CUX1: variants seen among roughly 807,000 people sequenced by gnomAD.
CUX1 encodes the protein cut like homeobox 1, also known as protein CASP.
Under a neutral mutation model 158.8 loss-of-function variants are expected in CUX1, and 31 were observed. That is an observed-to-expected ratio of 0.20 (90% CI 0.15 to 0.26). The LOEUF (loss-of-function observed/expected upper bound fraction) is 0.26. Among genes scored for constraint, CUX1 ranks in the 10% least tolerant of loss-of-function variants. CUX1 has a pLI of 1.00. For synonymous variants in CUX1, 879 were observed against 862.1 expected, an observed-to-expected ratio of 1.02 and a Z score of -0.34; for missense variants, 1,589 against 2,014.6, an observed-to-expected ratio of 0.79 and a Z score of 4.04.
In CUX1 at chr7:102,063,405, T is replaced by TTTTTTTC. The variant is rs1563194074; in HGVS notation, c.190-6933_190-6932insTTTTTCT. 1.4e-5 allele frequency among the ~76,000 whole-genome samples: 2 copies of TTTTTTTC among 145,438 alleles called. 1 individual carries two copies. Among genetic ancestry groups the TTTTTTTC allele is most frequent in the African/African-American group, 5.3e-5 (2 of 38,010 alleles). ...TTTCTTTTTTTTTTTTTTTTTTTTT[T>TTTTTTTC]TGAGACGGAGTCTCACTCTGTCGCC... On this transcript the variant is annotated intron_variant, in intron 3 of 23. Transcript: ENST00000292535.
In CUX1 at chr7:102,253,562, C is replaced by T. The variant is rs1801751681; in HGVS notation, c.*4520C>T. On this transcript the variant is annotated 3_prime_UTR_variant, in exon 24 of 24. Coordinates refer to ENST00000292535, the MANE Select transcript of CUX1 (RefSeq NM_181552.4). The stretch of plus-strand genomic sequence containing the variant: ...ACATTCTATGCAATGTTTTTCATTC[C>T]TCTGATTTTAGCAAAGCAAATCTTA... 1 of 985,324 alleles carries T rather than the reference C, an allele frequency of 1.0e-6. No homozygotes were observed. The highest frequency in any genetic ancestry group is 1.2e-6 in the Non-Finnish European group (1 of 829,944). 61.0% of individuals were successfully genotyped at this position (985,324 alleles called of 1,614,324 possible). A position where few individuals can be genotyped will look rare whatever the true frequency, so the allele number is the denominator to read the frequency against.
At position 101,949,612 on chromosome 7, in the gene CUX1, C is replaced by A. The variant is rs185418726; in HGVS notation, c.141+33387C>A. Among the ~76,000 whole-genome samples the A allele has an allele frequency of 1.9e-3, 284 of 150,474 alleles. 1 individual carries two copies. The highest frequency in any genetic ancestry group is 3.4e-3 in the Non-Finnish European group (228 of 67,654). On this transcript the variant is annotated intron_variant, in intron 2 of 23. Coordinates refer to ENST00000292535, the MANE Select transcript of CUX1 (RefSeq NM_181552.4). Reference sequence around the variant, plus strand: ...GTGGCACGATATTGGCTCACTGCAACCTCCACCTCCCGGGTTCAAGTGATT... The same window carrying A: ...GTGGCACGATATTGGCTCACTGCAAACTCCACCTCCCGGGTTCAAGTGATT...
chr7:102,015,600 A>G (rs905427776), intron 2 of CUX1, among the ~76,000 whole-genome samples: 2 of 152,138 alleles, frequency 1.3e-5, no homozygotes, highest in African/African-American at 4.8e-5. Context: ...AACATCTCCC[A>G]TTTCATACTG....
chr7:102,059,312 G>C (rs549103439), intron 3 of CUX1, among the ~76,000 whole-genome samples: 2 of 152,050 alleles, frequency 1.3e-5, no homozygotes, highest in Non-Finnish European at 2.9e-5. Flanking sequence ...GGCTTCTTCG[G>C]GGCCTCTCTA....
chr7:102,134,726 T>C (rs1489464100), intron 8 of CUX1, among the ~76,000 whole-genome samples: 2 of 152,010 alleles, frequency 1.3e-5, no homozygotes, highest in Non-Finnish European at 1.5e-5. Flanking sequence ...GCCTCCTGAG[T>C]AGCTGGGACT....
intron 6 of CUX1, among the ~76,000 whole-genome samples, chr7:102,109,449 G>T (rs1376979702): frequency 6.6e-6 from 1 of 152,140 alleles, no homozygotes; most frequent in Non-Finnish European, 1.5e-5. Flanking sequence ...AGTTTAAATT[G>T]GTGAAAGTTT....
chr7:102,123,263 G>T lies in CUX1; in HGVS notation c.674+7990G>T, dbSNP rs10258038. The stretch of plus-strand genomic sequence containing the variant: ...AAAAAAAAAGAGAGGCACTGTGCAT[G>T]TGGCCATGTATATAAACATGTTTGT... On this transcript the variant is annotated intron_variant, in intron 8 of 23. Coordinates refer to ENST00000292535, the MANE Select transcript of CUX1 (RefSeq NM_181552.4). 6.7e-3 allele frequency among the ~76,000 whole-genome samples: 1,022 copies of T among 151,486 alleles called. 7 individuals are homozygous for T. Among genetic ancestry groups the T allele is most frequent in the African/African-American group, 0.024 (979 of 41,312 alleles).
In CUX1 at chr7:102,253,893, A is replaced by T; in HGVS notation, c.*4851A>T. On this transcript the variant is annotated 3_prime_UTR_variant, in exon 24 of 24. Coordinates refer to ENST00000292535, the MANE Select transcript of CUX1 (RefSeq NM_181552.4). ...GGTGGGGGGCCCTGTCCCTCCCCAG[A>T]TGTCCTCCCTCTTCTTCACACTCCT... 1 of 985,666 alleles carries T rather than the reference A, an allele frequency of 1.0e-6. No homozygotes were observed. The highest frequency in any genetic ancestry group is 1.2e-6 in the Non-Finnish European group (1 of 830,184). 61.1% of individuals were successfully genotyped at this position (985,666 alleles called of 1,614,324 possible). A position where few individuals can be genotyped will look rare whatever the true frequency, so the allele number is the denominator to read the frequency against.
intron 1 of CUX1, among the ~76,000 whole-genome samples, chr7:101,906,734 T>A (rs922064096): frequency 1.3e-5 from 2 of 152,200 alleles, no homozygotes; most frequent in African/African-American, 2.4e-5. Context: ...CCAGCTTTCC[T>A]GCTTTCAACT....
chr7:102,091,838 C>G (rs1320637693), intron 4 of CUX1, among the ~76,000 whole-genome samples: 2 of 152,114 alleles, frequency 1.3e-5, no homozygotes, highest in African/African-American at 2.4e-5. Flanking sequence ...TCACTGCAAC[C>G]TCCACCTCCC....
chr7:101,973,995 C>A (rs1563079056), intron 2 of CUX1, among the ~76,000 whole-genome samples: 2 of 151,638 alleles, frequency 1.3e-5, no homozygotes, highest in Non-Finnish European at 2.9e-5. Flanking sequence ...GTCTGGAACT[C>A]CTGACCTCGT....
intron 2 of CUX1, among the ~76,000 whole-genome samples, chr7:101,973,770 C>CTTTTTTTTTTTTTT (rs546846196): frequency 7.3e-6 from 1 of 137,376 alleles, no homozygotes; most frequent in Non-Finnish European, 1.6e-5. Flanking sequence ...TTTTCTTTTT[C>CTTTTTTTTTTTTTT]TTTTTTTTTT....
intron 8 of CUX1, among the ~76,000 whole-genome samples, chr7:102,146,862 T>A (rs1835076944): frequency 6.6e-6 from 1 of 152,206 alleles, no homozygotes; most frequent in Non-Finnish European, 1.5e-5. Flanking sequence ...CTTCCCAAAG[T>A]GCTTGGGATT....
chr7:102,049,951 G>A (rs1823277269), intron 3 of CUX1, among the ~76,000 whole-genome samples: 1 of 152,162 alleles, frequency 6.6e-6, no homozygotes, highest in Admixed American at 6.6e-5. Context: ...GCAGGCACGA[G>A]GAGGGCTCAG....
intron 1 of CUX1, among the ~76,000 whole-genome samples, chr7:101,908,295 AC>A (rs2131827822): frequency 6.6e-6 from 1 of 152,284 alleles, no homozygotes; most frequent in East Asian, 1.9e-4. Context: ...TCCCGCATGC[AC>A]CACCATGCCT....
rs541428034 is a variant in CUX1, at chr7:101,821,446, C to A, written c.30+3777C>A. On this transcript the variant is annotated intron_variant, in intron 1 of 23. Transcript: ENST00000292535. ...CTCCGCCTCCCGGGTTCACACCATTCTCCTGCCTCAGCCTCCCGAGTAGCT... is the reference window on the plus strand; with the variant it reads ...CTCCGCCTCCCGGGTTCACACCATTATCCTGCCTCAGCCTCCCGAGTAGCT... 3.3e-5 allele frequency among the ~76,000 whole-genome samples: 5 copies of A among 151,658 alleles called. No homozygotes were observed. In the South Asian group the frequency reaches 8.3e-4, roughly 25 times the overall value.
At chr7:102,223,308 C>G (rs1014730618) in intron 20 of CUX1, among the ~76,000 whole-genome samples, 4 of 152,108 alleles carry the variant, frequency 2.6e-5, no homozygotes, top group Non-Finnish European at 4.4e-5. Flanking sequence ...ATAAATGCAT[C>G]ATACAGGATG....
At chr7:102,006,349 G>A (rs1465175379) in intron 2 of CUX1, among the ~76,000 whole-genome samples, 1 of 152,040 alleles carries the variant, frequency 6.6e-6, no homozygotes, top group Non-Finnish European at 1.5e-5. Flanking sequence ...GACAACTCTG[G>A]AATGCCAGTT....
At chr7:101,986,398 A>G (rs2129229729) in intron 2 of CUX1, among the ~76,000 whole-genome samples, 1 of 152,342 alleles carries the variant, frequency 6.6e-6, no homozygotes, top group African/African-American at 2.4e-5. Context: ...AGAAAATGTT[A>G]CAGAAATGAG....
Sources: gnomAD v4.1 joint callset for allele counts (sites outside exome capture counted in the v4.1 genomes callset) on GRCh38, gnomAD v4.1.1 for gene constraint, MANE v1.5 for transcripts, NCBI Gene and HGNC (gene_info 2026-07-23, HGNC 2026-07-21) for gene names.